The following VWF variants were observed in gnomAD, a reference collection of about 807,000 sequenced individuals.
VWF encodes the protein von Willebrand factor.
A neutral mutation model predicts 308.6 loss-of-function variants in VWF; 176 were observed. The observed-to-expected ratio is 0.57, with a 90% CI of 0.50 to 0.65. VWF has a LOEUF of 0.65. Ranked by LOEUF, VWF falls within the 30% of genes least tolerant of loss-of-function variation. VWF has a pLI of 0.00. For missense variants in VWF, 3,146 were observed against 3,648.2 expected, an observed-to-expected ratio of 0.86 and a Z score of 3.55; for synonymous variants, 1,385 against 1,443.4, an observed-to-expected ratio of 0.96 and a Z score of 0.92.
chr12:6,032,875 TAC>T (rs796891068), intron 20 of VWF, among the ~76,000 whole-genome samples: 16 of 143,302 alleles, frequency 1.1e-4, no homozygotes, highest in Middle Eastern at 3.4e-3. Context: ...CATGTACTCA[TAC>T]ACACACACAC....
chr12:5,953,738 G>C (rs1032104328), intron 47 of VWF, 144 bp from the exon 48 acceptor site: 1 of 704,958 alleles, frequency 1.4e-6, no homozygotes, highest in Non-Finnish European at 2.6e-6. Context: ...ACTCCAACCA[G>C]CTTTTGTCAG....
At chr12:6,098,550 G>C (rs540136182) in intron 5 of VWF, among the ~76,000 whole-genome samples, 1 of 151,538 alleles carries the variant, frequency 6.6e-6, no homozygotes, top group Admixed American at 6.6e-5. Context: ...AGGCCGAGGC[G>C]GGCGGATCAC....
chr12:5,958,604 A>G (rs1208376732), intron 47 of VWF, among the ~76,000 whole-genome samples: 1 of 152,126 alleles, frequency 6.6e-6, no homozygotes, highest in Non-Finnish European at 1.5e-5. Flanking sequence ...TGGGAGGATC[A>G]CCTGAGCCCA....
At chr12:6,034,168 C>T (rs1033932232) in intron 20 of VWF, among the ~76,000 whole-genome samples, 2 of 152,082 alleles carry the variant, frequency 1.3e-5, no homozygotes, top group Non-Finnish European at 2.9e-5. Context: ...ATTAAAATGG[C>T]GGAGAATTCC....
rs73049491 is a variant in VWF, at chr12:5,977,002, G to A, written c.7288-742C>T. 2.6e-3 allele frequency among the ~76,000 whole-genome samples: 393 copies of A among 152,166 alleles called. 1 individual carries two copies. Among genetic ancestry groups the A allele is most frequent in the East Asian group, 0.014 (75 of 5,178 alleles). The stretch of plus-strand genomic sequence containing the variant: ...TATGCCCTCCAAAGTTATGCAAAAC[G>A]GGTCTCCACCCTGTGAATGTCATAA... On this transcript the variant is annotated intron_variant, in intron 42 of 51. Coordinates refer to ENST00000261405, the MANE Select transcript of VWF (RefSeq NM_000552.5).
Position 6,072,452 on chromosome 12 carries a change from A to T in VWF, c.998-10T>A. The T allele has an allele frequency of 6.2e-7, 1 of 1,611,262 alleles. No homozygotes were observed. On this transcript the variant is annotated splice_polypyrimidine_tract_variant and intron_variant, in intron 8 of 51. Coordinates refer to ENST00000261405, the MANE Select transcript of VWF (RefSeq NM_000552.5). ...TCCAGGAGCTGTCCCTCTGGGGTCA[A>T]GGGCATCAAGACAAAGGCCTCAACA... is the stretch of plus-strand genomic sequence containing the variant.
chr12:6,064,408 A>C, intron 11 of VWF, 24 bp from the exon 12 acceptor site: 1 of 1,613,562 alleles, frequency 6.2e-7, no homozygotes, highest in Non-Finnish European at 8.5e-7. Context: ...ACACAGGGTG[A>C]CTTTGCTGCA....
chr12:6,101,130 G>A (rs961481410), intron 5 of VWF, among the ~76,000 whole-genome samples: 1 of 152,152 alleles, frequency 6.6e-6, no homozygotes, highest in Admixed American at 6.5e-5. Context: ...CTCTATTGAT[G>A]GTGGTTAGAC....
chr12:6,070,630 C>T (rs942148613), intron 10 of VWF, among the ~76,000 whole-genome samples: 8 of 152,228 alleles, frequency 5.3e-5, no homozygotes, highest in Non-Finnish European at 8.8e-5. Context: ...ACATAGAAAA[C>T]ACCACGTGAG....
chr12:6,029,314 A>C, intron 22 of VWF, 28 bp downstream of exon 22: 1 of 1,613,854 alleles, frequency 6.2e-7, no homozygotes, highest in South Asian at 1.1e-5. Context: ...CCAAGTCCCC[A>C]ACAAGATGAA....
intron 47 of VWF, among the ~76,000 whole-genome samples, chr12:5,963,812 G>A (rs1429339794): frequency 2.0e-5 from 3 of 152,120 alleles, no homozygotes; most frequent in African/African-American, 4.8e-5. Flanking sequence ...TATCTGCATC[G>A]GACAAAGAAG....
At position 6,103,751 on chromosome 12, in the gene VWF, C is replaced by CA. The variant is rs201901971; in HGVS notation, c.532+6622dup. Among the ~76,000 whole-genome samples, 177 of 149,820 alleles carry CA rather than the reference C, an allele frequency of 1.2e-3. 2 individuals are homozygous for CA. The East Asian group carries it at 0.026, about 22-fold the overall frequency. On this transcript the variant is annotated intron_variant, in intron 5 of 51. Coordinates refer to ENST00000261405, the MANE Select transcript of VWF (RefSeq NM_000552.5). ...CTGGACCCCTATCTCTCACCATATA[C>CA]AAAAAAAAATCAACTCAAGATGTAT... is the stretch of plus-strand genomic sequence containing the variant.
chr12:6,004,588 T>C (rs917950424), intron 34 of VWF, among the ~76,000 whole-genome samples: 6 of 151,918 alleles, frequency 3.9e-5, no homozygotes, highest in Admixed American at 2.0e-4. Flanking sequence ...AGAAAAACAA[T>C]TCTATTTGCA....
intron 20 of VWF, among the ~76,000 whole-genome samples, chr12:6,033,658 G>C (rs1254233944): frequency 6.6e-6 from 1 of 152,232 alleles, no homozygotes; most frequent in Non-Finnish European, 1.5e-5. Flanking sequence ...TGTGTCCCCA[G>C]CACACTGCCT....
chr12:6,099,272 T>C (rs1345956885), intron 5 of VWF, among the ~76,000 whole-genome samples: 1 of 139,040 alleles, frequency 7.2e-6, no homozygotes, highest in African/African-American at 2.7e-5. Context: ...TGAGCCCCGA[T>C]CGCGCCACTG....
chr12:5,948,892 G>T lies in VWF; in HGVS notation c.*123C>A. On this transcript the variant is annotated 3_prime_UTR_variant, in exon 52 of 52. Coordinates refer to ENST00000261405, the MANE Select transcript of VWF (RefSeq NM_000552.5). The surrounding 1 kb of genome is among the most constrained non-coding windows in gnomAD (Gnocchi z 4.4). ...ACCAGCAGCCTTTTGCAAGATAAGA[G>T]CTCAGCCTTTATTGTGGGCTCAGAA... 8.4e-7 allele frequency: 1 copy of T among 1,194,672 alleles called. No homozygotes were observed. The highest frequency in any genetic ancestry group is 1.2e-6 in the Non-Finnish European group (1 of 829,752). The allele number at this position is 1,194,672 out of a possible 1,614,324, so 74.0% of individuals were successfully genotyped here.
At chr12:6,032,498 C>T (rs1944278179) in intron 20 of VWF, among the ~76,000 whole-genome samples, 1 of 136,386 alleles carries the variant, frequency 7.3e-6, no homozygotes, top group African/African-American at 2.8e-5. Context: ...ATTAGCCGGG[C>T]GTGGTGGCGG....
intron 44 of VWF, among the ~76,000 whole-genome samples, chr12:5,970,419 G>A (rs1405898222): frequency 6.6e-6 from 1 of 152,172 alleles, no homozygotes; most frequent in Non-Finnish European, 1.5e-5. Context: ...AGGGAGATGA[G>A]AGATGGGGAA....
At chr12:6,023,524 GT>G (rs1266489494) in intron 25 of VWF, 106 bp downstream of exon 25, 187 of 1,512,732 alleles carry the variant, frequency 1.2e-4, no homozygotes, top group Non-Finnish European at 1.7e-4. Context: ...CTAACACTCT[GT>G]CTTCTCTCGC....
Sources: gnomAD v4.1 joint callset for allele counts (sites outside exome capture counted in the v4.1 genomes callset) on GRCh38, gnomAD v4.1.1 for gene constraint, Gnocchi (gnomAD v3.1) non-coding constraint, MANE v1.5 for transcripts, NCBI Gene and HGNC (gene_info 2026-07-23, HGNC 2026-07-21) for gene names.